The following TUT7 variants were observed in gnomAD, a reference collection of about 807,000 sequenced individuals.
TUT7 encodes terminal uridylyl transferase 7, also known as terminal uridylyltransferase 7.
TUT7 carries 33 observed loss-of-function variants against 165.9 expected under a neutral mutation model. The observed-to-expected ratio is 0.20, with a 90% CI of 0.15 to 0.27. The LOEUF (loss-of-function observed/expected upper bound fraction) is 0.27, where lower values mean the gene tolerates loss of function less well. TUT7 is among the 10% of genes least tolerant of loss of function. The probability of loss-of-function intolerance (pLI) is 1.00; values close to 1 mark genes in which losing one functional copy is unlikely to be tolerated. For synonymous variants in TUT7, 552 were observed against 608.1 expected (o/e 0.91, Z 1.36); for missense variants, 1,338 against 1,762.3 (o/e 0.76, Z 4.31).
chr9:86,308,087 T>C (rs1305605881), intron 22 of TUT7, among the ~76,000 whole-genome samples: 2 of 152,162 alleles, frequency 1.3e-5, no homozygotes, highest in Non-Finnish European at 1.5e-5. Context: ...ACTCCATCAA[T>C]AGCGAATGAA....
chr9:86,346,439 T>A lies in TUT7; in HGVS notation c.562A>T (p.Thr188Ser), dbSNP rs773043739. Residue 188 changes from threonine to serine, a missense_variant, in exon 3 of 27, where the codon ACT becomes TCT. Physicochemically the swap from Thr to Ser is moderately conservative, Grantham distance 58. Around this residue, in one of 7 missense-constraint regions of TUT7, gnomAD observed 434 missense variants for 480.8 expected, o/e 0.90. Coordinates refer to ENST00000375963, the MANE Select transcript of TUT7 (RefSeq NM_024617.4). ...TCCTGCTCATTTTCCTCATTTCTAG[T>A]CTTCCGTGGCTTCCTAGGTCTGGAC... ...QRSRPRKPRK[T>S]RNEENEQDGD... 1 of 1,614,086 alleles carries A rather than the reference T, an allele frequency of 6.2e-7. No individual in the cohort carries two copies. The highest frequency in any genetic ancestry group is 1.1e-5 in the South Asian group (1 of 91,080).
chr9:86,325,284 T>G, intron 12 of TUT7, 50 bp downstream of exon 12: 1 of 1,565,172 alleles, frequency 6.4e-7, no homozygotes, highest in Non-Finnish European at 8.7e-7. Context: ...GTTAGACTGG[T>G]ACCTTTAAAA....
intron 5 of TUT7, among the ~76,000 whole-genome samples, chr9:86,343,899 T>A (rs934994643): frequency 2.0e-5 from 3 of 152,220 alleles, no homozygotes; most frequent in African/African-American, 7.2e-5. Context: ...GGTTTTCTTG[T>A]TTGTTTAAGG....
rs768917477 is a variant in TUT7, at chr9:86,323,080, G to A, written c.2670C>T (p.Asp890=). The change falls in exon 13 of 27, where the codon GAC becomes GAT. Residue 890 remains aspartate (D), a synonymous_variant. Coordinates refer to ENST00000375963, the MANE Select transcript of TUT7 (RefSeq NM_024617.4). ...ACTCATCATCCTCTTCAGATAGGGC[G>A]TCCTCATCCCCTGACCCAGTGTAGG... ...DNTYTGSGDE[D]ALSEEDDELG... The A allele has an allele frequency of 1.5e-5, 24 of 1,613,984 alleles. No individual in the cohort carries two copies. Among genetic ancestry groups the A allele is most frequent in the African/African-American group, 5.3e-5 (4 of 74,904 alleles).
chr9:86,331,811 G>GGT (rs1002999013), intron 10 of TUT7, among the ~76,000 whole-genome samples: 1 of 152,096 alleles, frequency 6.6e-6, no homozygotes. Flanking sequence ...TATCAACAGA[G>GGT]TAAACAGACA....
intron 10 of TUT7, among the ~76,000 whole-genome samples, chr9:86,330,283 C>T (rs1477523171): frequency 3.3e-5 from 5 of 152,132 alleles, no homozygotes; most frequent in Non-Finnish European, 5.9e-5. Context: ...GCTGCTTCAA[C>T]TCCTGACCTC....
intron 17 of TUT7, among the ~76,000 whole-genome samples, chr9:86,315,160 T>C (rs766417130): frequency 6.6e-6 from 1 of 152,254 alleles, no homozygotes; most frequent in Non-Finnish European, 1.5e-5. Context: ...CACAGTGCTG[T>C]GCACATAGGA....
chr9:86,338,797 T>G, intron 9 of TUT7, 26 bp downstream of exon 9: 2 of 1,570,136 alleles, frequency 1.3e-6, no homozygotes, highest in Middle Eastern at 3.4e-4. Flanking sequence ...GTAGAATGTA[T>G]TCATGCATAA....
At chr9:86,298,885 G>A (rs1216456768) in intron 26 of TUT7, 1 of 880,736 alleles carries the variant, frequency 1.1e-6, no homozygotes, top group East Asian at 1.2e-4. Context: ...ATCTGAAACA[G>A]CCTTAAAACC....
Position 86,318,474 on chromosome 9 carries a change from C to T in TUT7, c.3216+484G>A, listed in dbSNP as rs72748796. ...CCATGATAATGTGTACAAAAATCAG[C>T]GGAGGCAGGAGGAACAGATATTATA... On this transcript the variant is annotated intron_variant, in intron 16 of 26. Coordinates refer to ENST00000375963, the MANE Select transcript of TUT7 (RefSeq NM_024617.4). Among the ~76,000 whole-genome samples, 586 of 152,292 alleles carry T rather than the reference C, an allele frequency of 3.8e-3. 5 individuals carry two copies. Among genetic ancestry groups the T allele is most frequent in the Middle Eastern group, 0.031 (9 of 294 alleles).
intron 10 of TUT7, among the ~76,000 whole-genome samples, chr9:86,332,785 T>C (rs1451704687): frequency 6.6e-6 from 1 of 152,230 alleles, no homozygotes; most frequent in African/African-American, 2.4e-5. Flanking sequence ...ACTGATATCA[T>C]TGGTTTTAGG....
intron 17 of TUT7, among the ~76,000 whole-genome samples, chr9:86,312,649 T>G (rs530023881): frequency 6.6e-6 from 1 of 152,142 alleles, no homozygotes; most frequent in South Asian, 2.1e-4. Flanking sequence ...ATGATGACAA[T>G]GGCGGTTTTG....
intron 7 of TUT7, 70 bp downstream of exon 7, chr9:86,340,932 G>T: frequency 1.6e-6 from 2 of 1,237,430 alleles, no homozygotes; most frequent in Non-Finnish European, 2.3e-6. Context: ...TATTTTCAAA[G>T]TTTGAGAAAT....
intron 26 of TUT7, among the ~76,000 whole-genome samples, chr9:86,293,870 T>TG (rs147150754): frequency 0.011 from 1,739 of 152,212 alleles, 19 homozygotes; most frequent in Non-Finnish European, 0.018. Flanking sequence ...CTCAGCCTCC[T>TG]GAGCAGCTGG....
chr9:86,307,360 T>A (rs1448720433), intron 22 of TUT7, among the ~76,000 whole-genome samples: 3 of 152,204 alleles, frequency 2.0e-5, no homozygotes, highest in African/African-American at 7.2e-5. Context: ...AAAAATTCTA[T>A]GTGTTTGACA....
chr9:86,327,974 C>T (rs760812428), intron 11 of TUT7, among the ~76,000 whole-genome samples: 1 of 152,166 alleles, frequency 6.6e-6, no homozygotes, highest in Non-Finnish European at 1.5e-5. Context: ...GGGACCGGTA[C>T]ATTAAATCAT....
At chr9:86,304,735 T>C (rs1827293393) in intron 24 of TUT7, 121 bp downstream of exon 24, 4 of 647,664 alleles carry the variant, frequency 6.2e-6, no homozygotes, top group South Asian at 4.3e-5. Context: ...TTCTGTACAA[T>C]AGTCATTTAC....
chr9:86,331,544 G>A (rs2131501597), intron 10 of TUT7, among the ~76,000 whole-genome samples: 1 of 152,170 alleles, frequency 6.6e-6, no homozygotes, highest in South Asian at 2.1e-4. Flanking sequence ...ATTTACGATT[G>A]TTTTGTCTTC....
chr9:86,320,446 G>C (rs958486573), intron 14 of TUT7, among the ~76,000 whole-genome samples: 1 of 152,054 alleles, frequency 6.6e-6, no homozygotes, highest in Non-Finnish European at 1.5e-5. Flanking sequence ...TCCTTAAAGG[G>C]CTGTTAAGTA....
Sources: gnomAD v4.1 joint callset for allele counts (sites outside exome capture counted in the v4.1 genomes callset) on GRCh38, gnomAD v4.1.1 for gene constraint, gnomAD v4.1.1 regional missense constraint, MANE v1.5 for transcripts, NCBI Gene and HGNC (gene_info 2026-07-23, HGNC 2026-07-21) for gene names.